Variants in NEMP2 observed in about 807,000 individuals in gnomAD.
NEMP2 encodes the protein nuclear envelope integral membrane protein 2.
In NEMP2, 53 loss-of-function variants were observed where a neutral mutation model predicts 54.2. That is an observed-to-expected ratio of 0.98 (90% confidence interval 0.78 to 1.23). NEMP2 has a LOEUF of 1.23. NEMP2 is among the 50% of genes most tolerant of loss of function. NEMP2 has a pLI of 0.00. For synonymous variants in NEMP2, 197 were observed against 190.3 expected, an observed-to-expected ratio of 1.04 and a Z score of -0.29; for missense variants, 455 against 511.3, an observed-to-expected ratio of 0.89 and a Z score of 1.06.
the NEMP2 span, chr2:190,435,430 T>C: frequency 6.6e-6 from 1 of 152,582 alleles, no homozygotes; most frequent in African/African-American, 2.4e-5. Context: ...ACTCCTTCAT[T>C]ACCAGGGTAT....
chr2:190,476,521 T>C, the NEMP2 span, among the ~76,000 whole-genome samples: 2 of 152,124 alleles, frequency 1.3e-5, no homozygotes, highest in Non-Finnish European at 2.9e-5. Context: ...CTCATACCAA[T>C]TAGAATGGCA....
chr2:190,445,745 A>C, the NEMP2 span, among the ~76,000 whole-genome samples: 1 of 152,036 alleles, frequency 6.6e-6, no homozygotes, highest in African/African-American at 2.4e-5. Context: ...GAATTTTTTT[A>C]AAAAGTTAAG....
At chr2:190,637,051 C>T in the NEMP2 span, among the ~76,000 whole-genome samples, 1 of 152,208 alleles carries the variant, frequency 6.6e-6, no homozygotes, top group Non-Finnish European at 1.5e-5. This position sits in a 1 kb window ranked among gnomAD's most constrained non-coding sequence, Gnocchi z 4.5. Context: ...GTACAGATTT[C>T]CCAAGTGCCA....
the NEMP2 span, chr2:190,469,928 A>G: frequency 9.6e-7 from 1 of 1,045,310 alleles, no homozygotes; most frequent in East Asian, 2.5e-5. The surrounding 1 kb of genome is among the most constrained non-coding windows in gnomAD (Gnocchi z 5.3). Flanking sequence ...AGTGGCCTTC[A>G]GCATCTGATT....
In NEMP2 at chr2:190,520,454, C is replaced by A. The variant is rs1419823143; in HGVS notation, c.214-1271G>T. On this transcript the variant is annotated intron_variant, in intron 2 of 8. Coordinates refer to ENST00000409150, the MANE Select transcript of NEMP2 (RefSeq NM_001142645.2). The surrounding 1 kb of genome is among the most constrained non-coding windows in gnomAD (Gnocchi z 5.4). The stretch of plus-strand genomic sequence containing the variant: ...TCCTCTTCTTTTTCTAAGAGTAGGG[C>A]AACCCTGAAAAGGGGAGTAAGAGCA... Among the ~76,000 whole-genome samples, 1 of 152,172 alleles carries A rather than the reference C, an allele frequency of 6.6e-6. No homozygotes were observed. Among genetic ancestry groups the A allele is most frequent in the Admixed American group, 6.5e-5 (1 of 15,270 alleles).
chr2:190,475,909 A>G, the NEMP2 span, among the ~76,000 whole-genome samples: 1,277 of 152,266 alleles, frequency 8.4e-3, 37 homozygotes, highest in Admixed American at 0.042. Flanking sequence ...ATAATGCCAC[A>G]TATCTACAAC....
chr2:190,630,787 C>T, the NEMP2 span, among the ~76,000 whole-genome samples: 10 of 151,880 alleles, frequency 6.6e-5, no homozygotes, highest in Non-Finnish European at 1.2e-4. The surrounding 1 kb of genome is among the most constrained non-coding windows in gnomAD (Gnocchi z 5.5). Context: ...CTTTTAATTC[C>T]GTTTTTTCAT....
the NEMP2 span, among the ~76,000 whole-genome samples, chr2:190,431,309 C>T: frequency 1.2e-4 from 18 of 152,068 alleles, no homozygotes; most frequent in African/African-American, 2.7e-4. This position sits in a 1 kb window ranked among gnomAD's most constrained non-coding sequence, Gnocchi z 4.4. Context: ...GGGTGGCGGC[C>T]GGGCAGAGGC....
chr2:190,442,083 T>C, the NEMP2 span, among the ~76,000 whole-genome samples: 1 of 152,210 alleles, frequency 6.6e-6, no homozygotes, highest in Non-Finnish European at 1.5e-5. Context: ...AATAACTTTT[T>C]CCCCATTCTG....
upstream of NEMP2, chr2:190,534,865 C>A (rs2125362291): frequency 2.6e-6 from 1 of 387,002 alleles, no homozygotes; most frequent in East Asian, 3.8e-5. Context: ...CGGGCCCAGG[C>A]CGGAGGAGCT....
the NEMP2 span, among the ~76,000 whole-genome samples, chr2:190,473,922 T>C: frequency 1.3e-5 from 2 of 152,076 alleles, no homozygotes; most frequent in African/African-American, 4.8e-5. Context: ...CACTCAAAAC[T>C]GCTCAAGTAC....
chr2:190,619,601 CT>C, the NEMP2 span, among the ~76,000 whole-genome samples: 1 of 151,984 alleles, frequency 6.6e-6, no homozygotes, highest in Non-Finnish European at 1.5e-5. The surrounding 1 kb of genome is among the most constrained non-coding windows in gnomAD (Gnocchi z 5.5). Context: ...AAATGTTATG[CT>C]TTGCTCTTCC....
chr2:190,500,371 A>G, downstream of NEMP2: 1 of 741,386 alleles, frequency 1.3e-6, no homozygotes. The surrounding 1 kb of genome is among the most constrained non-coding windows in gnomAD (Gnocchi z 5.3). Context: ...AAACACACAC[A>G]CAGGAGCTAC....
chr2:190,457,096 C>G, the NEMP2 span, among the ~76,000 whole-genome samples: 1 of 152,204 alleles, frequency 6.6e-6, no homozygotes, highest in Non-Finnish European at 1.5e-5. This position sits in a 1 kb window ranked among gnomAD's most constrained non-coding sequence, Gnocchi z 5.1. Context: ...ATGGTCCAAT[C>G]CAGAGGTATT....
the NEMP2 span, among the ~76,000 whole-genome samples, chr2:190,545,130 GTAAGA>G: frequency 1.3e-5 from 1 of 74,148 alleles, no homozygotes; most frequent in African/African-American, 3.3e-5. Flanking sequence ...AAACAAAAAA[GTAAGA>G]AAAAAAAAGA....
the NEMP2 span, chr2:190,435,208 A>G: frequency 1.3e-5 from 2 of 152,224 alleles, no homozygotes; most frequent in African/African-American, 4.8e-5. Flanking sequence ...CTTATTAGTT[A>G]AACCTGCCAT....
the NEMP2 span, among the ~76,000 whole-genome samples, chr2:190,559,869 C>T: frequency 6.6e-6 from 1 of 152,262 alleles, no homozygotes; most frequent in African/African-American, 2.4e-5. The surrounding 1 kb of genome is among the most constrained non-coding windows in gnomAD (Gnocchi z 4.0). Context: ...GGAAATCTGT[C>T]AGCCATTGCA....
At chr2:190,638,108 C>T in the NEMP2 span, among the ~76,000 whole-genome samples, 1 of 152,160 alleles carries the variant, frequency 6.6e-6, no homozygotes, top group Non-Finnish European at 1.5e-5. This position sits in a 1 kb window ranked among gnomAD's most constrained non-coding sequence, Gnocchi z 5.7. Flanking sequence ...CTGCCAGAGC[C>T]TACAGAGCAA....
chr2:190,586,870 A>G, the NEMP2 span, among the ~76,000 whole-genome samples: 7 of 152,208 alleles, frequency 4.6e-5, no homozygotes, highest in Admixed American at 2.0e-4. This position sits in a 1 kb window ranked among gnomAD's most constrained non-coding sequence, Gnocchi z 4.5. Context: ...AATTTAATCT[A>G]TTTAAAAAAT....
Sources: gnomAD v4.1 joint callset for allele counts (sites outside exome capture counted in the v4.1 genomes callset) on GRCh38, gnomAD v4.1.1 for gene constraint, Gnocchi (gnomAD v3.1) non-coding constraint, MANE v1.5 for transcripts, NCBI Gene and HGNC (gene_info 2026-07-23, HGNC 2026-07-21) for gene names.